The following COLEC10 variants were observed in gnomAD, a reference collection of about 807,000 sequenced individuals.
COLEC10 encodes the protein collectin-10.
COLEC10 carries 22 observed loss-of-function variants against 28.4 expected under a neutral mutation model. The observed-to-expected ratio is 0.78, with a 90% CI of 0.55 to 1.11. The LOEUF (loss-of-function observed/expected upper bound fraction) is 1.11. Among genes scored for constraint, COLEC10 ranks in the 50% least tolerant of loss-of-function variants. The probability of loss-of-function intolerance (pLI) is 0.00; values close to 1 mark genes in which losing one functional copy is unlikely to be tolerated. For synonymous variants in COLEC10, 125 were observed against 116.1 expected (o/e 1.08, Z -0.49); for missense variants, 361 against 344.1 (o/e 1.05, Z -0.39).
chr8:119,054,234 A>C (rs2130182733), intron 2 of COLEC10, among the ~76,000 whole-genome samples: 1 of 152,122 alleles, frequency 6.6e-6, no homozygotes, highest in Non-Finnish European at 1.5e-5. Context: ...CAATTTAAAA[A>C]CCTATGAATT....
At chr8:118,980,389 C>T in the COLEC10 span, among the ~76,000 whole-genome samples, 1 of 151,876 alleles carries the variant, frequency 6.6e-6, no homozygotes. Flanking sequence ...GATGAGGTTT[C>T]ACCATGTTGG....
At chr8:118,960,713 G>T in the COLEC10 span, among the ~76,000 whole-genome samples, 3,403 of 151,362 alleles carry the variant, frequency 0.022, 119 homozygotes, top group African/African-American at 0.077. Flanking sequence ...TGAACCGGTG[G>T]GGGGTGGAGG....
At chr8:118,954,997 C>T in the COLEC10 span, among the ~76,000 whole-genome samples, 1 of 152,204 alleles carries the variant, frequency 6.6e-6, no homozygotes, top group Non-Finnish European at 1.5e-5. Context: ...CTTGTGCCTA[C>T]ACTTCCTCAC....
At chr8:119,062,061 T>C (rs1311576779) in intron 2 of COLEC10, among the ~76,000 whole-genome samples, 2 of 152,080 alleles carry the variant, frequency 1.3e-5, no homozygotes, top group Non-Finnish European at 2.9e-5. Context: ...AATTAGTACA[T>C]GAAACACAAT....
chr8:119,095,885 T>G (rs933930817), intron 3 of COLEC10, among the ~76,000 whole-genome samples: 1 of 152,174 alleles, frequency 6.6e-6, no homozygotes. Context: ...TATACATTTA[T>G]TAGGAAACTA....
chr8:118,955,245 A>G, the COLEC10 span, among the ~76,000 whole-genome samples: 1 of 152,204 alleles, frequency 6.6e-6, no homozygotes, highest in Non-Finnish European at 1.5e-5. Context: ...TGAGACACAA[A>G]CTATTTGCCT....
chr8:119,079,574 C>T (rs1289298141), intron 1 of COLEC10, among the ~76,000 whole-genome samples: 1 of 152,142 alleles, frequency 6.6e-6, no homozygotes, highest in Non-Finnish European at 1.5e-5. Flanking sequence ...CTTAATGTTG[C>T]ATTTTTCATT....
At position 119,085,621 on chromosome 8, in the gene COLEC10, T is replaced by C. The variant is rs1363709760; in HGVS notation, c.149-4059T>C. Reference sequence around the variant, plus strand: ...CTTCTTTTTTTTTTTTTTTTTTTTTTTGTTGTTGTTGTTGTTGTTGCTGTT... The same window carrying C: ...CTTCTTTTTTTTTTTTTTTTTTTTTCTGTTGTTGTTGTTGTTGTTGCTGTT... On this transcript the variant is annotated intron_variant, in intron 1 of 5. Transcript: ENST00000332843. Among the ~76,000 whole-genome samples the C allele has an allele frequency of 3.2e-3, 358 of 111,948 alleles. 1 individual carries two copies. Among genetic ancestry groups the C allele is most frequent in the African/African-American group, 0.012 (335 of 27,414 alleles). The allele number at this position is 111,948 out of a possible 152,430, so 73.4% of individuals were successfully genotyped here. A position where few individuals can be genotyped will look rare whatever the true frequency, so the allele number is the denominator to read the frequency against.
At chr8:118,957,129 C>A in the COLEC10 span, among the ~76,000 whole-genome samples, 2 of 152,150 alleles carry the variant, frequency 1.3e-5, no homozygotes, top group Non-Finnish European at 2.9e-5. Context: ...GAAAGTATGT[C>A]TCAGCACCAA....
chr8:119,048,536 A>G (rs1419909910), intron 2 of COLEC10, among the ~76,000 whole-genome samples: 1 of 152,190 alleles, frequency 6.6e-6, no homozygotes, highest in Non-Finnish European at 1.5e-5. Context: ...TTGGATGTAC[A>G]TATTTAGGAT....
chr8:119,100,430 A>G (rs560938245), intron 3 of COLEC10, among the ~76,000 whole-genome samples: 9 of 152,316 alleles, frequency 5.9e-5, no homozygotes, highest in Admixed American at 5.9e-4. Flanking sequence ...CCTTTCTTCC[A>G]TGAATATCTC....
At chr8:119,074,475 C>A (rs1815186997) in intron 1 of COLEC10, among the ~76,000 whole-genome samples, 1 of 152,044 alleles carries the variant, frequency 6.6e-6, no homozygotes. Context: ...ATATTGCCCA[C>A]CTCAAATGCT....
At chr8:118,987,698 T>C in the COLEC10 span, among the ~76,000 whole-genome samples, 11 of 152,178 alleles carry the variant, frequency 7.2e-5, no homozygotes. Flanking sequence ...ACCACTATCA[T>C]TCATGTGAAT....
At chr8:118,984,470 C>T in the COLEC10 span, among the ~76,000 whole-genome samples, 1 of 152,016 alleles carries the variant, frequency 6.6e-6, no homozygotes, top group African/African-American at 2.4e-5. Flanking sequence ...TGCCCATGTA[C>T]CCCTGAACCT....
At chr8:119,032,858 C>T (rs988620290) in intron 2 of COLEC10, among the ~76,000 whole-genome samples, 3 of 152,202 alleles carry the variant, frequency 2.0e-5, no homozygotes, top group Admixed American at 6.5e-5. Flanking sequence ...GCTGAGATCG[C>T]GCCTCTGCAC....
At chr8:118,975,398 A>G in the COLEC10 span, among the ~76,000 whole-genome samples, 2 of 152,038 alleles carry the variant, frequency 1.3e-5, no homozygotes, top group African/African-American at 4.8e-5. Flanking sequence ...AATTTTTGTG[A>G]CTAAGTTTCT....
At chr8:119,000,389 A>T (rs949068375) in intron 1 of COLEC10, among the ~76,000 whole-genome samples, 15 of 152,144 alleles carry the variant, frequency 9.9e-5, no homozygotes, top group African/African-American at 3.1e-4. Flanking sequence ...ATGACTTTGA[A>T]ATGAAGTGCC....
intron 2 of COLEC10, among the ~76,000 whole-genome samples, chr8:119,047,847 T>C (rs1814611832): frequency 6.6e-6 from 1 of 152,060 alleles, no homozygotes; most frequent in Admixed American, 6.6e-5. Context: ...ATTTAATCTT[T>C]CTCTCTCTAT....
upstream of COLEC10, among the ~76,000 whole-genome samples, chr8:119,066,433 G>A (rs531609575): frequency 5.3e-5 from 8 of 152,222 alleles, no homozygotes; most frequent in South Asian, 8.3e-4. Context: ...AATACCACAA[G>A]CTTTTCCCCC....
Sources: allele counts gnomAD v4.1 joint callset (sites outside exome capture counted in the v4.1 genomes callset), GRCh38; gene constraint gnomAD v4.1.1; transcripts MANE v1.5; gene names NCBI Gene and HGNC (gene_info 2026-07-23, HGNC 2026-07-21).